EPHA3: variants seen among roughly 807,000 people sequenced by gnomAD.
EPHA3 encodes ephrin type-A receptor 3.
In EPHA3, 42 loss-of-function variants were observed where a neutral mutation model predicts 107.1. The observed-to-expected ratio is 0.39, with a 90% CI of 0.31 to 0.51. The LOEUF (loss-of-function observed/expected upper bound fraction) is 0.51, where lower values mean the gene tolerates loss of function less well. Among genes scored for constraint, EPHA3 ranks in the 20% least tolerant of loss-of-function variants. EPHA3 has a pLI of 0.78. For synonymous variants in EPHA3, 461 were observed against 424.8 expected (o/e 1.09, Z -1.05); for missense variants, 1,183 against 1,211.2 (o/e 0.98, Z 0.35).
intron 5 of EPHA3, among the ~76,000 whole-genome samples, chr3:89,390,784 C>CTTTTTT: frequency 9.5e-6 from 1 of 105,234 alleles, no homozygotes; most frequent in Non-Finnish European, 1.9e-5. Flanking sequence ...AATTGAAAAG[C>CTTTTTT]ATTTTTTTTT....
chr3:89,298,485 T>G (rs919252534), intron 3 of EPHA3, among the ~76,000 whole-genome samples: 3 of 152,306 alleles, frequency 2.0e-5, no homozygotes, highest in African/African-American at 7.2e-5. Flanking sequence ...ATCTCTGTTC[T>G]TTGTTGCCTG....
At chr3:89,111,576 A>G (rs1033895879) in intron 1 of EPHA3, among the ~76,000 whole-genome samples, 3 of 136,830 alleles carry the variant, frequency 2.2e-5, no homozygotes, top group African/African-American at 8.1e-5. Context: ...CCTTATTTTC[A>G]CTATTTTATA....
chr3:89,301,768 C>T (rs1001954596), intron 3 of EPHA3, among the ~76,000 whole-genome samples: 1 of 151,998 alleles, frequency 6.6e-6, no homozygotes, highest in Non-Finnish European at 1.5e-5. Context: ...TTTTTATTCT[C>T]TAGGAAGCTC....
At chr3:89,180,852 G>A (rs1669333535) in intron 2 of EPHA3, among the ~76,000 whole-genome samples, 1 of 151,940 alleles carries the variant, frequency 6.6e-6, no homozygotes, top group African/African-American at 2.4e-5. Flanking sequence ...GGCAAGTTTA[G>A]TTTGTGTAAT....
At chr3:89,421,639 TC>T (rs1326549607) in intron 11 of EPHA3, among the ~76,000 whole-genome samples, 1 of 151,256 alleles carries the variant, frequency 6.6e-6, no homozygotes, top group African/African-American at 2.4e-5. Context: ...ATTTTGTCAG[TC>T]ATGAGTTGAT....
intron 5 of EPHA3, among the ~76,000 whole-genome samples, chr3:89,350,095 T>C (rs1435437644): frequency 6.6e-6 from 1 of 150,988 alleles, no homozygotes; most frequent in African/African-American, 2.4e-5. Context: ...ATTATGTGTC[T>C]TGGAGTTGCT....
chr3:89,153,913 C>T (rs978877556), intron 2 of EPHA3, among the ~76,000 whole-genome samples: 4 of 152,050 alleles, frequency 2.6e-5, no homozygotes, highest in African/African-American at 9.7e-5. Flanking sequence ...TCCTTCCTTA[C>T]ACTGTTCCAT....
At chr3:89,275,487 C>T (rs1000861780) in intron 3 of EPHA3, among the ~76,000 whole-genome samples, 7 of 152,014 alleles carry the variant, frequency 4.6e-5, no homozygotes, top group Non-Finnish European at 8.8e-5. Flanking sequence ...GCTCCAAACC[C>T]TCACCTATAA....
intron 2 of EPHA3, among the ~76,000 whole-genome samples, chr3:89,139,034 T>C (rs1207175755): frequency 6.6e-6 from 1 of 151,814 alleles, no homozygotes; most frequent in African/African-American, 2.4e-5. Flanking sequence ...GTTATTATAT[T>C]TCCCTTCTGT....
At chr3:89,170,105 G>A (rs1475369455) in intron 2 of EPHA3, among the ~76,000 whole-genome samples, 8 of 151,940 alleles carry the variant, frequency 5.3e-5, no homozygotes, top group Non-Finnish European at 1.0e-4. Flanking sequence ...AAAAAAATTA[G>A]CCGGGCGTGG....
At chr3:89,241,759 G>A (rs1421597681) in intron 3 of EPHA3, among the ~76,000 whole-genome samples, 3 of 152,070 alleles carry the variant, frequency 2.0e-5, no homozygotes, top group Non-Finnish European at 4.4e-5. Flanking sequence ...CATCTGAATA[G>A]TCTATTATTT....
intron 3 of EPHA3, among the ~76,000 whole-genome samples, chr3:89,211,774 T>C (rs1339548264): frequency 7.0e-6 from 1 of 143,772 alleles, no homozygotes; most frequent in Non-Finnish European, 1.5e-5. Context: ...CTTCTTCTTC[T>C]TCTTCTTCTT....
chr3:89,245,489 A>G (rs947129597), intron 3 of EPHA3, among the ~76,000 whole-genome samples: 11 of 152,220 alleles, frequency 7.2e-5, no homozygotes, highest in African/African-American at 2.4e-4. Flanking sequence ...ATGAAAAACA[A>G]TATTATGCCT....
At chr3:89,452,985 A>T (rs1710023974) in intron 15 of EPHA3, among the ~76,000 whole-genome samples, 1 of 152,170 alleles carries the variant, frequency 6.6e-6, no homozygotes, top group Admixed American at 6.5e-5. Flanking sequence ...AGTAGGAATC[A>T]CTATGATTGA....
At chr3:89,300,596 C>A (rs1405132240) in intron 3 of EPHA3, among the ~76,000 whole-genome samples, 3 of 151,984 alleles carry the variant, frequency 2.0e-5, no homozygotes, top group Non-Finnish European at 4.4e-5. Flanking sequence ...TTACTTTAAA[C>A]AATTATCTTT....
intron 5 of EPHA3, among the ~76,000 whole-genome samples, chr3:89,350,696 C>G (rs556466621): frequency 2.6e-5 from 4 of 151,058 alleles, no homozygotes; most frequent in African/African-American, 9.7e-5. Context: ...AGGCGCTCTG[C>G]GTTTTAGAGT....
intron 3 of EPHA3, among the ~76,000 whole-genome samples, chr3:89,233,322 T>A (rs958897948): frequency 2.0e-5 from 3 of 152,190 alleles, no homozygotes; most frequent in African/African-American, 7.2e-5. Flanking sequence ...TGAACTGCAA[T>A]GCTTCCCCCA....
In EPHA3 at chr3:89,295,749, C is replaced by G. The variant is rs1282183797; in HGVS notation, c.815-45167C>G. 4.6e-5 allele frequency among the ~76,000 whole-genome samples: 7 copies of G among 152,022 alleles called. No individual in the cohort carries two copies. The South Asian group carries it at 6.2e-4, about 14-fold the overall frequency. On this transcript the variant is annotated intron_variant, in intron 3 of 16. Transcript: ENST00000336596. ...GGGATTGTAGGCATGCACCACCACA[C>G]CCGGCTAATTTTTGTATTTTTAGTA... is the stretch of plus-strand genomic sequence containing the variant.
chr3:89,238,212 G>A (rs1393724771), intron 3 of EPHA3, among the ~76,000 whole-genome samples: 1 of 152,148 alleles, frequency 6.6e-6, no homozygotes, highest in African/African-American at 2.4e-5. Flanking sequence ...ATATTTTTAA[G>A]GGGAGGTAAT....
Sources: allele counts gnomAD v4.1 joint callset (sites outside exome capture counted in the v4.1 genomes callset), GRCh38; gene constraint gnomAD v4.1.1; transcripts MANE v1.5; gene names NCBI Gene and HGNC (gene_info 2026-07-23, HGNC 2026-07-21).